CAPN2: variants seen among roughly 807,000 people sequenced by gnomAD.
CAPN2 encodes the protein calpain 2.
CAPN2 carries 92 observed loss-of-function variants against 102.3 expected under a neutral mutation model. The ratio of observed to expected loss-of-function variants is 0.90; its 90% CI spans 0.76 to 1.07. The LOEUF is 1.07. CAPN2 is among the 50% of genes least tolerant of loss of function. The pLI is 0.00. For synonymous variants in CAPN2, 340 were observed against 355.4 expected, an observed-to-expected ratio of 0.96 and a Z score of 0.49; for missense variants, 800 against 909.4, an observed-to-expected ratio of 0.88 and a Z score of 1.55.
At position 223,772,214 on chromosome 1, in the gene CAPN2, GAAC is replaced by G. The variant is rs1661498400; in HGVS notation, c.2057_2059del (p.Thr686del). 1.9e-6 allele frequency: 3 copies of G among 1,614,120 alleles called. No individual in the cohort carries two copies. The highest frequency in any genetic ancestry group is 2.5e-6 in the Non-Finnish European group (3 of 1,180,006). On this transcript the variant is annotated inframe_deletion, in exon 20 of 21. Coordinates refer to ENST00000295006, the MANE Select transcript of CAPN2 (RefSeq NM_001748.5). Reference sequence around the variant, plus strand: ...AAGCAGCTGGATCCCGAGAATACTGGAACAATAGAGCTCGACCTTATCTCTGTG... The same window carrying G: ...AAGCAGCTGGATCCCGAGAATACTGGAATAGAGCTCGACCTTATCTCTGTG...
Position 223,749,483 on chromosome 1 carries a change from G to A in CAPN2, c.813+361G>A, listed in dbSNP as rs28370068. ...ATAAGGTGCTTTCTCTTTTGATCTC[G>A]TAAAAGTATTCGTGCCCATGTTCAA... On this transcript the variant is annotated intron_variant, in intron 6 of 20. Coordinates refer to ENST00000295006, the MANE Select transcript of CAPN2 (RefSeq NM_001748.5). The A allele has an allele frequency of 7.4e-3, 1,884 of 254,294 alleles. 10 individuals are homozygous for A. Among genetic ancestry groups the A allele is most frequent in the Middle Eastern group, 0.018 (14 of 794 alleles). The allele number at this position is 254,294 out of a possible 1,614,324, so 15.8% of individuals were successfully genotyped here.
At chr1:223,762,394 T>A (rs1324266131) in intron 14 of CAPN2, 143 bp downstream of exon 14, 2 of 679,516 alleles carry the variant, frequency 2.9e-6, no homozygotes, top group Non-Finnish European at 5.2e-6. Flanking sequence ...GCACTTGGGT[T>A]CCAGCTCAGC....
At chr1:223,743,479 C>T (rs1660675800) in intron 2 of CAPN2, among the ~76,000 whole-genome samples, 1 of 152,164 alleles carries the variant, frequency 6.6e-6, no homozygotes, top group South Asian at 2.1e-4. Flanking sequence ...CTCAAACTCC[C>T]CTTTATATAT....
At position 223,772,240 on chromosome 1, in the gene CAPN2, G is replaced by A; in HGVS notation, c.2079+1G>A. The A allele has an allele frequency of 6.2e-7, 1 of 1,613,810 alleles. No homozygotes were observed. The highest frequency in any genetic ancestry group is 8.5e-7 in the Non-Finnish European group (1 of 1,179,752). On this transcript the variant is annotated splice_donor_variant, in intron 20 of 20. Transcript: ENST00000295006. LOFTEE classifies it high-confidence loss of function. ...AACAATAGAGCTCGACCTTATCTCTGTGAGTCAGCAGGCCCCGCCTTGCTT... is the reference window on the plus strand; with the variant it reads ...AACAATAGAGCTCGACCTTATCTCTATGAGTCAGCAGGCCCCGCCTTGCTT...
chr1:223,703,762 A>AT (rs1480011900), intron 1 of CAPN2, among the ~76,000 whole-genome samples: 1 of 152,162 alleles, frequency 6.6e-6, no homozygotes, highest in East Asian at 1.9e-4. Context: ...TCGTTTTGGC[A>AT]TTTGCTTCCC....
intron 2 of CAPN2, among the ~76,000 whole-genome samples, chr1:223,742,026 T>C (rs1660630862): frequency 1.3e-5 from 2 of 152,196 alleles, no homozygotes; most frequent in African/African-American, 2.4e-5. Flanking sequence ...AGCAACCATG[T>C]CTAAGTGCTA....
In CAPN2 at chr1:223,755,262, C is replaced by T. The variant is rs941441903; in HGVS notation, c.1136-218C>T. ...CCTCTTGCCAACTCCCACCATCTCCCGCCATTTTCTGACATCTCCCGCTGT... is the reference window on the plus strand; with the variant it reads ...CCTCTTGCCAACTCCCACCATCTCCTGCCATTTTCTGACATCTCCCGCTGT... On this transcript the variant is annotated intron_variant, in intron 9 of 20. Coordinates refer to ENST00000295006, the MANE Select transcript of CAPN2 (RefSeq NM_001748.5). The surrounding 1 kb of genome is among the most constrained non-coding windows in gnomAD (Gnocchi z 4.1). Among the ~76,000 whole-genome samples, 7 of 151,798 alleles carry T rather than the reference C, an allele frequency of 4.6e-5. No individual in the cohort carries two copies. The highest frequency in any genetic ancestry group is 7.4e-5 in the Non-Finnish European group (5 of 67,942).
intron 5 of CAPN2, 116 bp from the exon 6 acceptor site, chr1:223,748,917 AGGCCTC>A (rs1345413583): frequency 2.4e-6 from 2 of 840,436 alleles, no homozygotes; most frequent in African/African-American, 1.7e-5. Flanking sequence ...CTCCCACCCC[AGGCCTC>A]GGCCGCTGCG....
chr1:223,750,929 C>T lies in CAPN2; in HGVS notation c.853C>T (p.Arg285Ter), dbSNP rs752679899. 38 of 1,552,584 alleles carry T rather than the reference C, an allele frequency of 2.4e-5. No homozygotes were observed. In the East Asian group the frequency reaches 4.9e-4, roughly 20 times the overall value. The stretch of plus-strand genomic sequence containing the variant: ...AAGCCTACAGAAACTGATCCGCATC[C>T]GAAATCCCTGGGGAGAAGTGGAGTG... Reference protein sequence around the residue: ...NGSLQKLIRIRNPWGEVEWTG... With the variant: ...NGSLQKLIRI The change falls in exon 7 of 21, where the codon CGA (arginine) becomes TGA (stop). Residue 285 changes from arginine to a stop codon, truncating the protein, a stop_gained. Transcript: ENST00000295006. LOFTEE classifies it high-confidence loss of function.
At position 223,764,218 on chromosome 1, in the gene CAPN2, C is replaced by T. The variant is rs1303299952; in HGVS notation, c.1690+11C>T. On this transcript the variant is annotated intron_variant, in intron 15 of 20. Transcript: ENST00000295006. ...GGGTTCTAGCAAAGCGTGAGTATCC[C>T]CTCATTGCAAAACCTCATCCTGCTC... 2 of 1,611,320 alleles carry T rather than the reference C, an allele frequency of 1.2e-6. No individual in the cohort carries two copies. Among genetic ancestry groups the T allele is most frequent in the African/African-American group, 2.7e-5 (2 of 74,846 alleles).
Position 223,752,964 on chromosome 1 carries a change from C to G in CAPN2, c.1135+8C>G, listed in dbSNP as rs193257695. On this transcript the variant is annotated splice_region_variant and intron_variant, in intron 9 of 20. Transcript: ENST00000295006. ...GTTGCAGGAACTACCCGAGTAAGGG[C>G]TGTTGCATATAAGGGCTGTTGCAAT... 3.0e-3 allele frequency: 4,883 copies of G among 1,613,582 alleles called. 9 individuals carry two copies. The highest frequency in any genetic ancestry group is 3.9e-3 in the Non-Finnish European group (4,620 of 1,179,722).
intron 2 of CAPN2, among the ~76,000 whole-genome samples, chr1:223,728,075 C>T (rs551357080): frequency 2.0e-5 from 3 of 151,816 alleles, no homozygotes; most frequent in Non-Finnish European, 4.4e-5. Flanking sequence ...CCCTGGTATG[C>T]GTTACAGTTC....
chr1:223,774,860 T>G lies in CAPN2; in HGVS notation c.*3T>G. ...GGCTCTGTTTCTCAGTACTTTGAAGTTATAACTAATCTGCCTGAAGACTTC... is the reference window on the plus strand; with the variant it reads ...GGCTCTGTTTCTCAGTACTTTGAAGGTATAACTAATCTGCCTGAAGACTTC... On this transcript the variant is annotated 3_prime_UTR_variant, in exon 21 of 21. Coordinates refer to ENST00000295006, the MANE Select transcript of CAPN2 (RefSeq NM_001748.5). The G allele has an allele frequency of 6.2e-7, 1 of 1,612,958 alleles. No homozygotes were observed. The highest frequency in any genetic ancestry group is 8.5e-7 in the Non-Finnish European group (1 of 1,179,330).
Position 223,754,567 on chromosome 1 carries a change from T to C in CAPN2, c.1136-913T>C, listed in dbSNP as rs1326188787. ...CTTCGGAGCCATAGCTGCCAACCCC[T>C]ACACAAGATGGTGCCTGTAATTTCA... On this transcript the variant is annotated intron_variant, in intron 9 of 20. Coordinates refer to ENST00000295006, the MANE Select transcript of CAPN2 (RefSeq NM_001748.5). This position sits in a 1 kb window ranked among gnomAD's most constrained non-coding sequence, Gnocchi z 4.7. Among the ~76,000 whole-genome samples, 1 of 152,250 alleles carries C rather than the reference T, an allele frequency of 6.6e-6. No homozygotes were observed. Among genetic ancestry groups the C allele is most frequent in the African/African-American group, 2.4e-5 (1 of 41,464 alleles).
chr1:223,770,652 C>T, intron 18 of CAPN2, 127 bp downstream of exon 18: 1 of 601,806 alleles, frequency 1.7e-6, no homozygotes, highest in Non-Finnish European at 2.9e-6. Flanking sequence ...TGGTTTAATA[C>T]AGACACCTCC....
intron 2 of CAPN2, among the ~76,000 whole-genome samples, chr1:223,735,902 C>T (rs1373667898): frequency 6.6e-6 from 1 of 152,176 alleles, no homozygotes; most frequent in African/African-American, 2.4e-5. Flanking sequence ...GCCTCAGCCT[C>T]CCTAGTAGCT....
Position 223,775,623 on chromosome 1 carries a change from C to CTGTT in CAPN2, c.*769_*772dup, listed in dbSNP as rs573956734. The CTGTT allele has an allele frequency of 6.5e-5, 10 of 152,752 alleles. 1 individual carries two copies. The East Asian group carries it at 1.9e-3, about 29-fold the overall frequency. The allele number at this position is 152,752 out of a possible 1,614,324, so 9.5% of individuals were successfully genotyped here. ...CAATTATGATAAAGGACAAAATAAG[C>CTGTT]TGTTTGCCACCTCAAAACTTTATGA... On this transcript the variant is annotated 3_prime_UTR_variant, in exon 21 of 21. Coordinates refer to ENST00000295006, the MANE Select transcript of CAPN2 (RefSeq NM_001748.5).
intron 20 of CAPN2, among the ~76,000 whole-genome samples, 161 bp from the exon 21 acceptor site, chr1:223,774,673 C>T (rs1225954308): frequency 6.6e-6 from 1 of 152,202 alleles, no homozygotes; most frequent in Non-Finnish European, 1.5e-5. Context: ...AAAAGCTAGA[C>T]TCTAGAAATC....
At chr1:223,714,656 A>G (rs1659829826) in intron 1 of CAPN2, among the ~76,000 whole-genome samples, 1 of 152,076 alleles carries the variant, frequency 6.6e-6, no homozygotes, top group Non-Finnish European at 1.5e-5. Context: ...ACACAAACCA[A>G]GAGAATGTGT....
Sources: gnomAD v4.1 joint callset for allele counts (sites outside exome capture counted in the v4.1 genomes callset) on GRCh38, gnomAD v4.1.1 for gene constraint, Gnocchi (gnomAD v3.1) non-coding constraint, MANE v1.5 for transcripts, NCBI Gene and HGNC (gene_info 2026-07-23, HGNC 2026-07-21) for gene names.